The following PARD3B variants were observed in gnomAD, a reference collection of about 807,000 sequenced individuals.
PARD3B encodes partitioning defective 3 homolog B.
PARD3B carries 103 observed loss-of-function variants against 130.2 expected under a neutral mutation model. The observed-to-expected ratio is 0.79, with a 90% CI of 0.67 to 0.93. The LOEUF (loss-of-function observed/expected upper bound fraction) is 0.93, where lower values mean the gene tolerates loss of function less well. Among genes scored for constraint, PARD3B ranks in the 40% least tolerant of loss-of-function variants. The pLI, the probability that PARD3B is intolerant of heterozygous loss-of-function variation, is 0.00. For missense variants in PARD3B, 1,609 were observed against 1,499.2 expected, an observed-to-expected ratio of 1.07 and a Z score of -1.21; for synonymous variants, 583 against 553.2, an observed-to-expected ratio of 1.05 and a Z score of -0.76.
intron 2 of PARD3B, among the ~76,000 whole-genome samples, chr2:204,823,506 T>C (rs2043447759): frequency 6.6e-6 from 1 of 152,130 alleles, no homozygotes. Flanking sequence ...CATACATAAG[T>C]ATAATTCATA....
chr2:205,292,583 T>A lies in PARD3B; in HGVS notation c.2186-7947T>A, dbSNP rs529602471. 3.1e-4 allele frequency among the ~76,000 whole-genome samples: 47 copies of A among 152,082 alleles called. 1 individual carries two copies. The highest frequency in any genetic ancestry group is 1.1e-3 in the African/African-American group (46 of 41,490). On this transcript the variant is annotated intron_variant, in intron 16 of 22. Transcript: ENST00000406610. The surrounding 1 kb of genome is among the most constrained non-coding windows in gnomAD (Gnocchi z 5.3). ...AAAGACCCGCAGAGAACAACTCATT[T>A]CTCCAAACTCCTGTTCCCTCCCAGA...
chr2:204,584,509 A>C lies in PARD3B; in HGVS notation c.120+38390A>C, dbSNP rs1018571742. ...CCTACTATTTTAGAACATTCTAGAA[A>C]ATGTAAGAATACACAAGCATACGTT... On this transcript the variant is annotated intron_variant, in intron 1 of 22. Coordinates refer to ENST00000406610, the MANE Select transcript of PARD3B (RefSeq NM_001302769.2). Among the ~76,000 whole-genome samples, 5 of 152,186 alleles carry C rather than the reference A, an allele frequency of 3.3e-5. No individual in the cohort carries two copies. The South Asian group carries it at 1.0e-3, about 32-fold the overall frequency.
At chr2:205,180,024 C>A (rs571577934) in intron 13 of PARD3B, among the ~76,000 whole-genome samples, 1 of 151,820 alleles carries the variant, frequency 6.6e-6, no homozygotes, top group East Asian at 1.9e-4. Flanking sequence ...TTCTTTTCTT[C>A]CCAGGACGTA....
At chr2:204,785,199 A>G (rs769327202) in intron 2 of PARD3B, among the ~76,000 whole-genome samples, 2 of 152,196 alleles carry the variant, frequency 1.3e-5, no homozygotes, top group Non-Finnish European at 2.9e-5. Flanking sequence ...TTAACTAATG[A>G]ATTTTCATTA....
chr2:205,028,548 A>C (rs181913137), intron 3 of PARD3B, among the ~76,000 whole-genome samples: 3 of 152,272 alleles, frequency 2.0e-5, no homozygotes, highest in African/African-American at 7.2e-5. Flanking sequence ...CATAGTCGAC[A>C]GATGGGAGTC....
chr2:205,253,422 G>A lies in PARD3B; in HGVS notation c.2185+7600G>A, dbSNP rs2039942014. On this transcript the variant is annotated intron_variant, in intron 16 of 22. Coordinates refer to ENST00000406610, the MANE Select transcript of PARD3B (RefSeq NM_001302769.2). The surrounding 1 kb of genome is among the most constrained non-coding windows in gnomAD (Gnocchi z 4.4). ...ACGTTTGGTCTTCTTGGCCTTGGCT[G>A]GGCTGGTGGATGGGAAGCCAGTATG... is the stretch of plus-strand genomic sequence containing the variant. The A allele has an allele frequency of 7.1e-6, 4 of 566,210 alleles. No homozygotes were observed. The highest frequency in any genetic ancestry group is 1.9e-5 in the Admixed American group (1 of 52,610). The allele number at this position is 566,210 out of a possible 1,614,324, so 35.1% of individuals were successfully genotyped here.
intron 21 of PARD3B, among the ~76,000 whole-genome samples, chr2:205,547,793 C>T (rs551976934): frequency 3.9e-5 from 6 of 152,286 alleles, no homozygotes; most frequent in Admixed American, 1.3e-4. Flanking sequence ...TAATAAACAG[C>T]GGAAGTATGG....
chr2:205,514,953 A>G (rs1352829768), intron 21 of PARD3B, among the ~76,000 whole-genome samples: 1 of 151,390 alleles, frequency 6.6e-6, no homozygotes, highest in African/African-American at 2.4e-5. Context: ...TAAGCCCAGT[A>G]CCCAACAGTT....
At chr2:205,379,044 A>G (rs1241460945) in intron 18 of PARD3B, among the ~76,000 whole-genome samples, 2 of 152,040 alleles carry the variant, frequency 1.3e-5, no homozygotes, top group Non-Finnish European at 2.9e-5. Context: ...GTCTTGAATC[A>G]GGAAGCCACG....
At position 205,546,997 on chromosome 2, in the gene PARD3B, A is replaced by G. The variant is rs2052408045; in HGVS notation, c.3181-6327A>G. On this transcript the variant is annotated intron_variant, in intron 21 of 22. Transcript: ENST00000406610. The stretch of plus-strand genomic sequence containing the variant: ...GGTCATTTTGGGGTGGTTTTCCACA[A>G]TAATCATTTAATGGAGAAAAAAATG... 2.0e-5 allele frequency among the ~76,000 whole-genome samples: 3 copies of G among 152,208 alleles called. No homozygotes were observed. In the South Asian group the frequency reaches 6.2e-4, roughly 31 times the overall value.
At chr2:204,993,765 T>C (rs1386095602) in intron 3 of PARD3B, among the ~76,000 whole-genome samples, 3 of 148,462 alleles carry the variant, frequency 2.0e-5, no homozygotes, top group African/African-American at 7.4e-5. Context: ...GCTCCTGTTA[T>C]TGGTCTATTC....
intron 3 of PARD3B, among the ~76,000 whole-genome samples, chr2:204,999,568 G>A (rs1397292717): frequency 6.6e-6 from 1 of 152,156 alleles, no homozygotes; most frequent in East Asian, 1.9e-4. Flanking sequence ...CTGGAGATGA[G>A]AACGTTTTCC....
intron 1 of PARD3B, among the ~76,000 whole-genome samples, chr2:204,567,138 C>T (rs2031723707): frequency 1.3e-5 from 2 of 152,194 alleles, no homozygotes; most frequent in African/African-American, 4.8e-5. Flanking sequence ...CCTTAGCCTC[C>T]CAAAGTGCTG....
intron 2 of PARD3B, 63 bp downstream of exon 2, chr2:204,686,345 C>A: frequency 8.2e-7 from 1 of 1,214,276 alleles, no homozygotes. Flanking sequence ...TTTCAAGAGA[C>A]TGAAATCCTT....
chr2:204,904,408 A>G (rs1387230466), intron 2 of PARD3B, among the ~76,000 whole-genome samples: 1 of 152,174 alleles, frequency 6.6e-6, no homozygotes, highest in Non-Finnish European at 1.5e-5. Flanking sequence ...TTCTACCAGT[A>G]ACCCAGGGGA....
rs576559285 is a variant in PARD3B, at chr2:204,605,665, C to T, written c.120+59546C>T. On this transcript the variant is annotated intron_variant, in intron 1 of 22. Coordinates refer to ENST00000406610, the MANE Select transcript of PARD3B (RefSeq NM_001302769.2). The stretch of plus-strand genomic sequence containing the variant: ...TCTCTGGGTTCGTGTCTTGGTTTTG[C>T]GTGACCTTGGGCAGTGCACTCTATC... Among the ~76,000 whole-genome samples the T allele has an allele frequency of 3.9e-5, 6 of 152,134 alleles. No individual in the cohort carries two copies. In the South Asian group the frequency reaches 1.2e-3, roughly 32 times the overall value.
At chr2:205,425,550 TAAAA>T (rs34514205) in intron 19 of PARD3B, among the ~76,000 whole-genome samples, 15 of 134,678 alleles carry the variant, frequency 1.1e-4, no homozygotes, top group Admixed American at 2.9e-4. Context: ...AGACTCGGTG[TAAAA>T]AAAAAAAAAA....
intron 19 of PARD3B, among the ~76,000 whole-genome samples, chr2:205,432,905 G>T (rs932145941): frequency 1.3e-5 from 2 of 152,008 alleles, no homozygotes; most frequent in Non-Finnish European, 2.9e-5. Context: ...CTTTGATGTT[G>T]ACAATACAAA....
intron 3 of PARD3B, among the ~76,000 whole-genome samples, chr2:205,023,201 A>G (rs1489739690): frequency 6.6e-6 from 1 of 152,018 alleles, no homozygotes; most frequent in Admixed American, 6.5e-5. Flanking sequence ...GCTTTCACAG[A>G]GAGGAGAGGT....
Sources: allele counts gnomAD v4.1 joint callset (sites outside exome capture counted in the v4.1 genomes callset), GRCh38; gene constraint gnomAD v4.1.1; non-coding constraint Gnocchi (gnomAD v3.1); transcripts MANE v1.5; gene names NCBI Gene and HGNC (gene_info 2026-07-23, HGNC 2026-07-21).